The following RAI1 variants were observed in gnomAD, a reference collection of about 807,000 sequenced individuals.
RAI1 encodes retinoic acid-induced protein 1.
A neutral mutation model predicts 123.8 loss-of-function variants in RAI1; 9 were observed. That is an observed-to-expected ratio of 0.07 (90% CI 0.04 to 0.13). The LOEUF (loss-of-function observed/expected upper bound fraction) is 0.13. Ranked by LOEUF, RAI1 falls within the 10% of genes least tolerant of loss-of-function variation. The pLI, the probability that RAI1 is intolerant of heterozygous loss-of-function variation, is 1.00. For synonymous variants in RAI1, 1,231 were observed against 1,127.3 expected (o/e 1.09, Z -1.84); for missense variants, 2,256 against 2,545.8 (o/e 0.89, Z 2.45).
At chr17:17,697,122 A>G (rs989290074) in intron 1 of RAI1, among the ~76,000 whole-genome samples, 1 of 152,196 alleles carries the variant, frequency 6.6e-6, no homozygotes, top group African/African-American at 2.4e-5. Flanking sequence ...GAACGGTTCA[A>G]TTCTAACACA....
At chr17:17,782,817 G>T (rs2031645491) in intron 2 of RAI1, among the ~76,000 whole-genome samples, 1 of 152,182 alleles carries the variant, frequency 6.6e-6, no homozygotes, top group Admixed American at 6.5e-5. Flanking sequence ...AGGGCGCCAA[G>T]AGGGCAGCAC....
At chr17:17,771,946 C>T (rs553546783) in intron 2 of RAI1, among the ~76,000 whole-genome samples, 3 of 152,232 alleles carry the variant, frequency 2.0e-5, no homozygotes, top group Non-Finnish European at 4.4e-5. Context: ...GGGGAAAGAA[C>T]AGGCTGGCAC....
At chr17:17,726,708 A>G (rs893693473) in intron 2 of RAI1, among the ~76,000 whole-genome samples, 1 of 144,634 alleles carries the variant, frequency 6.9e-6, no homozygotes, top group Non-Finnish European at 1.5e-5. Flanking sequence ...ATATTGTAAA[A>G]TAGCATTCAC....
intron 1 of RAI1, among the ~76,000 whole-genome samples, chr17:17,715,257 G>A (rs943848092): frequency 6.6e-6 from 1 of 152,254 alleles, no homozygotes; most frequent in Admixed American, 6.5e-5. Flanking sequence ...GTGCTGGGCT[G>A]CTCTGAGCTG....
chr17:17,744,579 T>G (rs1916751613), intron 2 of RAI1, among the ~76,000 whole-genome samples: 1 of 151,376 alleles, frequency 6.6e-6, no homozygotes, highest in Non-Finnish European at 1.5e-5. Context: ...GATCACGAGG[T>G]CAGGAGTTCG....
rs564165296 is a variant in RAI1, at chr17:17,707,431, C to T, written c.-148-16597C>T. On this transcript the variant is annotated intron_variant, in intron 1 of 5. Transcript: ENST00000353383. ...AGAAGGTGACAGGTGAGCAAAGACTCGAGGGAGGTCAGTGAACCTTGCAAT... is the reference window on the plus strand; with the variant it reads ...AGAAGGTGACAGGTGAGCAAAGACTTGAGGGAGGTCAGTGAACCTTGCAAT... Among the ~76,000 whole-genome samples the T allele has an allele frequency of 2.6e-5, 4 of 152,046 alleles. No homozygotes were observed. The South Asian group carries it at 8.3e-4, about 32-fold the overall frequency.
chr17:17,794,544 C>G lies in RAI1; in HGVS notation c.1596C>G (p.Cys532Trp). ...EDPLERSFLYCNQARGSPARV... is the reference protein window; with the variant it reads ...EDPLERSFLYWNQARGSPARV... Reference sequence around the variant, plus strand: ...CACTGGAGCGCAGCTTCCTCTACTGCAACCAGGCCCGTGGCAGCCCTGCCA... The same window carrying G: ...CACTGGAGCGCAGCTTCCTCTACTGGAACCAGGCCCGTGGCAGCCCTGCCA... The change falls in exon 3 of 6, where the codon TGC becomes TGG. Residue 532 changes from cysteine to tryptophan, a missense_variant. Physicochemically the swap from Cys to Trp is radical, Grantham distance 215. This residue lies in a region of RAI1 where 357 missense variants were observed against 480.2 expected (regional missense o/e 0.74). Transcript: ENST00000353383. 1 of 1,613,104 alleles carries G rather than the reference C, an allele frequency of 6.2e-7. No homozygotes were observed. The highest frequency in any genetic ancestry group is 8.5e-7 in the Non-Finnish European group (1 of 1,179,988).
intron 1 of RAI1, among the ~76,000 whole-genome samples, chr17:17,692,785 T>C (rs1297006997): frequency 6.6e-6 from 1 of 152,230 alleles, no homozygotes; most frequent in Non-Finnish European, 1.5e-5. Context: ...ATCATGCCTT[T>C]ATCCTGGAGT....
intron 2 of RAI1, chr17:17,778,381 C>G (rs554715235): frequency 4.3e-4 from 101 of 233,174 alleles, no homozygotes; most frequent in African/African-American, 2.1e-3. Flanking sequence ...TATTGAGCCC[C>G]TGCCAGCTAC....
intron 1 of RAI1, among the ~76,000 whole-genome samples, chr17:17,698,282 C>T (rs187420488): frequency 4.6e-5 from 7 of 152,308 alleles, no homozygotes; most frequent in Non-Finnish European, 1.0e-4. Flanking sequence ...AGGCTTAGGG[C>T]ATTGGGCTGG....
At position 17,794,108 on chromosome 17, in the gene RAI1, C is replaced by T. The variant is rs2032136785; in HGVS notation, c.1160C>T (p.Thr387Ile). 2 of 1,614,006 alleles carry T rather than the reference C, an allele frequency of 1.2e-6. No homozygotes were observed. The highest frequency in any genetic ancestry group is 1.7e-6 in the Non-Finnish European group (2 of 1,180,054). Residue 387 changes from threonine (T) to isoleucine (I), a missense_variant, in exon 3 of 6, where the codon ACT becomes ATT. This residue lies in a region of RAI1 where 357 missense variants were observed against 480.2 expected (regional missense o/e 0.74). Coordinates refer to ENST00000353383, the MANE Select transcript of RAI1 (RefSeq NM_030665.4). Reference sequence around the variant, plus strand: ...ACCGGGGCCTTCCCCGCAGGGATCACTGACCACAGCCACTTCATGCCCCTG... The same window carrying T: ...ACCGGGGCCTTCCCCGCAGGGATCATTGACCACAGCCACTTCATGCCCCTG... ...LSTGAFPAGI[T>I]DHSHFMPLLN...
chr17:17,772,598 T>G (rs2031199060), intron 2 of RAI1, among the ~76,000 whole-genome samples: 2 of 152,230 alleles, frequency 1.3e-5, no homozygotes, highest in African/African-American at 4.8e-5. Context: ...AGAGCCAGCC[T>G]GCATTCTCAC....
Position 17,799,971 on chromosome 17 carries a change from G to T in RAI1, c.5565+1458G>T, listed in dbSNP as rs994740191. Among the ~76,000 whole-genome samples the T allele has an allele frequency of 6.6e-6, 1 of 152,120 alleles. No homozygotes were observed. Among genetic ancestry groups the T allele is most frequent in the African/African-American group, 2.4e-5 (1 of 41,416 alleles). ...TGGGCACCTGCTTCCCACTGCCCAT[G>T]GGGATGGCTGGAGACCTTCTCCACG... On this transcript the variant is annotated intron_variant, in intron 3 of 5. Transcript: ENST00000353383. The surrounding 1 kb of genome is among the most constrained non-coding windows in gnomAD (Gnocchi z 4.5).
intron 2 of RAI1, chr17:17,776,766 C>A: frequency 6.9e-6 from 1 of 145,344 alleles, no homozygotes; most frequent in Admixed American, 7.2e-5. Flanking sequence ...TGGGCTCAAG[C>A]AATCCTCCTA....
At chr17:17,699,076 T>C (rs1915130258) in intron 1 of RAI1, among the ~76,000 whole-genome samples, 1 of 152,224 alleles carries the variant, frequency 6.6e-6, no homozygotes, top group African/African-American at 2.4e-5. Context: ...TCAGCCGGGA[T>C]TGAAGGAATC....
chr17:17,797,420 A>G lies in RAI1; in HGVS notation c.4472A>G (p.Asn1491Ser). 1.9e-6 allele frequency: 3 copies of G among 1,613,002 alleles called. No homozygotes were observed. Among genetic ancestry groups the G allele is most frequent in the Non-Finnish European group, 2.5e-6 (3 of 1,179,836 alleles). ...GGCACACAAGGGGCCAGTGAGGACA[A>G]CTCTGGTGGAGGAGGCAAGAAGCCA... Reference protein sequence around the residue: ...ASGTQGASEDNSGGGGKKPKM... With the variant: ...ASGTQGASEDSSGGGGKKPKM... The change falls in exon 3 of 6, where the codon AAC (asparagine) becomes AGC (serine). Residue 1491 changes from asparagine to serine, a missense_variant. Around this residue, in one of 7 missense-constraint regions of RAI1, gnomAD observed 410 missense variants for 374.6 expected, o/e 1.09. Coordinates refer to ENST00000353383, the MANE Select transcript of RAI1 (RefSeq NM_030665.4).
Position 17,795,391 on chromosome 17 carries a change from G to A in RAI1, c.2443G>A (p.Val815Met). 6.3e-7 allele frequency: 1 copy of A among 1,593,026 alleles called. No homozygotes were observed. ...GCCCGGGGACTTCAAGCAGGAGGAG[G>A]TGGGTGGGGTGAAGGAGGAGGCAGG... ...SLPGDFKQEEVGGVKEEAGGL... is the reference protein window; with the variant it reads ...SLPGDFKQEEMGGVKEEAGGL... The change falls in exon 3 of 6, where the codon GTG becomes ATG. Residue 815 changes from valine (V) to methionine (M), a missense_variant. Around this residue, in one of 7 missense-constraint regions of RAI1, gnomAD observed 566 missense variants for 616.0 expected, o/e 0.92. Transcript: ENST00000353383. The surrounding 1 kb of genome is among the most constrained non-coding windows in gnomAD (Gnocchi z 5.9).
At chr17:17,698,151 C>T (rs376321999) in intron 1 of RAI1, among the ~76,000 whole-genome samples, 63 of 152,306 alleles carry the variant, frequency 4.1e-4, no homozygotes, top group African/African-American at 1.4e-3. Context: ...TACTCCAGTG[C>T]GCTGCTGTGG....
intron 1 of RAI1, among the ~76,000 whole-genome samples, 185 bp downstream of exon 1, chr17:17,681,978 G>A (rs1418548653): frequency 6.6e-6 from 1 of 151,446 alleles, no homozygotes; most frequent in Non-Finnish European, 1.5e-5. Flanking sequence ...GGGTGCGCGA[G>A]GTCACCGGAT....
Sources: gnomAD v4.1 joint callset for allele counts (sites outside exome capture counted in the v4.1 genomes callset) on GRCh38, gnomAD v4.1.1 for gene constraint, gnomAD v4.1.1 regional missense constraint, Gnocchi (gnomAD v3.1) non-coding constraint, MANE v1.5 for transcripts, NCBI Gene and HGNC (gene_info 2026-07-23, HGNC 2026-07-21) for gene names.